Variants in USP40 observed in about 807,000 individuals in gnomAD.
The protein encoded by USP40 is ubiquitin specific peptidase 40.
In USP40, 143 loss-of-function variants were observed where a neutral mutation model predicts 166.2. The ratio of observed to expected loss-of-function variants is 0.86; its 90% CI spans 0.75 to 0.99. The LOEUF (loss-of-function observed/expected upper bound fraction) is 0.99, where lower values mean the gene tolerates loss of function less well. USP40 is among the 50% of genes least tolerant of loss of function. USP40 has a pLI of 0.00. For missense variants in USP40, 1,444 were observed against 1,479.7 expected, an observed-to-expected ratio of 0.98 and a Z score of 0.40; for synonymous variants, 498 against 524.0, an observed-to-expected ratio of 0.95 and a Z score of 0.68.
At chr2:233,505,214 A>G (rs905110883) in intron 21 of USP40, among the ~76,000 whole-genome samples, 1 of 152,146 alleles carries the variant, frequency 6.6e-6, no homozygotes, top group African/African-American at 2.4e-5. Context: ...GGAAGTTCAC[A>G]GCAATAGATG....
chr2:233,506,940 G>A (rs1175437896), intron 21 of USP40, among the ~76,000 whole-genome samples: 9 of 151,082 alleles, frequency 6.0e-5, no homozygotes, highest in East Asian at 1.9e-4. Flanking sequence ...GTTAATATCC[G>A]GAATATATTA....
chr2:233,565,701 G>C, intron 1 of USP40, 128 bp from the exon 2 acceptor site: 1 of 852,330 alleles, frequency 1.2e-6, no homozygotes, highest in Non-Finnish European at 1.8e-6. Context: ...ATGTACAGTA[G>C]TTGGGTTTTG....
intron 18 of USP40, among the ~76,000 whole-genome samples, chr2:233,514,416 A>G (rs895437498): frequency 6.6e-6 from 1 of 152,204 alleles, no homozygotes; most frequent in African/African-American, 2.4e-5. Flanking sequence ...CTTGAAAGAG[A>G]GACTGAGCAC....
chr2:233,548,663 T>C (rs989684200), intron 8 of USP40, among the ~76,000 whole-genome samples: 5 of 152,110 alleles, frequency 3.3e-5, no homozygotes, highest in Admixed American at 6.6e-5. Flanking sequence ...CAGTATTATA[T>C]CAATGTTAGA....
At position 233,481,314 on chromosome 2, in the gene USP40, G is replaced by GTAA. The variant is rs753520707; in HGVS notation, c.3505-20_3505-18dup. 12 of 1,573,750 alleles carry GTAA rather than the reference G, an allele frequency of 7.6e-6. No homozygotes were observed. Among genetic ancestry groups the GTAA allele is most frequent in the Non-Finnish European group, 1.0e-5 (12 of 1,156,736 alleles). The stretch of plus-strand genomic sequence containing the variant: ...CAGGAGATTCTACATTTCAAAAGAA[G>GTAA]TAATGAGCAGTGTTTTCTGACATCT... On this transcript the variant is annotated splice_polypyrimidine_tract_variant and intron_variant, in intron 30 of 31. Coordinates refer to ENST00000678225, the MANE Select transcript of USP40 (RefSeq NM_001365479.2).
chr2:233,494,915 C>CATAT (rs1169787200), intron 24 of USP40, among the ~76,000 whole-genome samples: 13 of 11,356 alleles, frequency 1.1e-3, no homozygotes, highest in Non-Finnish European at 2.2e-3. Flanking sequence ...AGCAAAATGG[C>CATAT]ATATATATAT....
At chr2:233,507,708 G>A (rs144756863) in intron 21 of USP40, among the ~76,000 whole-genome samples, 6 of 152,042 alleles carry the variant, frequency 3.9e-5, no homozygotes, top group African/African-American at 1.4e-4. Flanking sequence ...GGGAGGATGG[G>A]AGAGGGTGGT....
At chr2:233,484,718 A>G (rs571590888) in intron 30 of USP40, among the ~76,000 whole-genome samples, 54 of 152,276 alleles carry the variant, frequency 3.5e-4, no homozygotes, top group African/African-American at 1.3e-3. Flanking sequence ...CCTGGGCTCA[A>G]GTGATCCACC....
At position 233,486,026 on chromosome 2, in the gene USP40, C is replaced by A; in HGVS notation, c.3198-49G>T. 1 of 1,521,966 alleles carries A rather than the reference C, an allele frequency of 6.6e-7. No individual in the cohort carries two copies. The highest frequency in any genetic ancestry group is 2.3e-5 in the Admixed American group (1 of 43,532). 94.3% of individuals were successfully genotyped at this position (1,521,966 alleles called of 1,614,324 possible). A position where few individuals can be genotyped will look rare whatever the true frequency, so the allele number is the denominator to read the frequency against. On this transcript the variant is annotated intron_variant, in intron 28 of 31. Coordinates refer to ENST00000678225, the MANE Select transcript of USP40 (RefSeq NM_001365479.2). This position sits in a 1 kb window ranked among gnomAD's most constrained non-coding sequence, Gnocchi z 4.0. The stretch of plus-strand genomic sequence containing the variant: ...CCAGATCCAAACAAACAAACAAAAC[C>A]ACGTGGTAACTTGAGGCATAATGGG...
At chr2:233,484,585 G>A (rs563855057) in intron 30 of USP40, among the ~76,000 whole-genome samples, 32 of 151,330 alleles carry the variant, frequency 2.1e-4, no homozygotes, top group African/African-American at 5.6e-4. Flanking sequence ...CATCCCTAGC[G>A]ATCCTCCTAC....
At chr2:233,529,960 T>C (rs1486898282) in intron 11 of USP40, among the ~76,000 whole-genome samples, 1 of 151,672 alleles carries the variant, frequency 6.6e-6, no homozygotes, top group Non-Finnish European at 1.5e-5. Context: ...CCACCACGCC[T>C]GGCTAATTTT....
At chr2:233,528,697 G>GT (rs2068248825) in intron 12 of USP40, among the ~76,000 whole-genome samples, 1 of 151,664 alleles carries the variant, frequency 6.6e-6, no homozygotes, top group Non-Finnish European at 1.5e-5. Context: ...TTCTTTGCTC[G>GT]TGTCATTCAC....
chr2:233,532,776 T>TA (rs1056061518), intron 11 of USP40, among the ~76,000 whole-genome samples: 3 of 151,836 alleles, frequency 2.0e-5, no homozygotes, highest in African/African-American at 7.3e-5. Flanking sequence ...ACCCTGTCTC[T>TA]AAAAAAATGA....
chr2:233,498,475 G>C (rs1175242192), intron 23 of USP40, 73 bp downstream of exon 23: 2 of 1,346,616 alleles, frequency 1.5e-6, no homozygotes, highest in African/African-American at 1.5e-5. Flanking sequence ...CTCATGAGTG[G>C]AATGGGTACC....
chr2:233,554,580 C>T (rs769537210), intron 5 of USP40, 54 bp from the exon 6 acceptor site: 3 of 1,409,452 alleles, frequency 2.1e-6, no homozygotes, highest in Admixed American at 4.4e-5. Context: ...TTTACAAACA[C>T]ATCATCAACT....
In USP40 at chr2:233,481,292, G is replaced by C; in HGVS notation, c.3510C>G (p.Leu1170=). ...KDGDTIGVKN[L]LIDDDDDFST... is the part of the protein sequence containing the mutation. ...TGAAATCATCATCGTCGTCAATCAG[G>C]AGATTCTACATTTCAAAAGAAGTAA... is the stretch of plus-strand genomic sequence containing the variant. Residue 1170 remains leucine, a synonymous_variant, in exon 31 of 32, where the codon CTC becomes CTG. Transcript: ENST00000678225. The C allele has an allele frequency of 4.4e-6, 7 of 1,596,736 alleles. No homozygotes were observed. Among genetic ancestry groups the C allele is most frequent in the Non-Finnish European group, 6.0e-6 (7 of 1,170,790 alleles).
rs71058561 is a variant in USP40 at position 233,530,205 on chromosome 2, G to GACACACACACACAC, written c.1472-707_1472-694dup. Among the ~76,000 whole-genome samples the GACACACACACACAC allele has an allele frequency of 9.4e-3, 1,398 of 149,364 alleles. 10 individuals carry two copies. The highest frequency in any genetic ancestry group is 0.011 in the Non-Finnish European group (712 of 67,292). On this transcript the variant is annotated intron_variant, in intron 11 of 31. Coordinates refer to ENST00000678225, the MANE Select transcript of USP40 (RefSeq NM_001365479.2). ...ATACTGCTCATAATTTCACTCCCAA[G>GACACACACACACAC]ACACACACACACACACACACACACA...
chr2:233,522,428 C>A (rs755851816), intron 16 of USP40, among the ~76,000 whole-genome samples: 1 of 152,132 alleles, frequency 6.6e-6, no homozygotes, highest in Non-Finnish European at 1.5e-5. Flanking sequence ...AAGTGTACTA[C>A]GAAAGAAACG....
rs148099692 is a variant in USP40, at chr2:233,553,467, C to G, written c.693+913G>C. 6.4e-3 allele frequency among the ~76,000 whole-genome samples: 976 copies of G among 152,306 alleles called. 4 individuals carry two copies. Among genetic ancestry groups the G allele is most frequent in the African/African-American group, 0.022 (923 of 41,562 alleles). On this transcript the variant is annotated intron_variant, in intron 6 of 31. Transcript: ENST00000678225. ...GGGCTTGGACAGTAAAGCACAGAGA[C>G]AGACCTCACATCAGTACTGGGATAA...
Sources: allele counts gnomAD v4.1 joint callset (sites outside exome capture counted in the v4.1 genomes callset), GRCh38; gene constraint gnomAD v4.1.1; non-coding constraint Gnocchi (gnomAD v3.1); transcripts MANE v1.5; gene names NCBI Gene and HGNC (gene_info 2026-07-23, HGNC 2026-07-21).